The following CCDC8 variants were observed in gnomAD, a reference collection of about 807,000 sequenced individuals.
CCDC8 encodes coiled-coil domain-containing protein 8.
Under a neutral mutation model 5.2 loss-of-function variants are expected in CCDC8, and 6 were observed. The ratio of observed to expected loss-of-function variants is 1.16; its 90% CI spans 0.63 to 2.28. The LOEUF is 2.28. Among genes scored for constraint, CCDC8 ranks in the 30% most tolerant of loss-of-function variants. The pLI, the probability that CCDC8 is intolerant of heterozygous loss-of-function variation, is 0.00. For synonymous variants in CCDC8, 310 were observed against 286.5 expected (o/e 1.08, Z -0.83); for missense variants, 724 against 712.2 (o/e 1.02, Z -0.19).
At position 46,412,300 on chromosome 19, in the gene CCDC8, G is replaced by C. The variant is rs574968989; in HGVS notation, c.511C>G (p.Arg171Gly). Reference sequence around the variant, plus strand: ...ATGGGCACTGGCAGGTTGACGCGGCGGCGGGCAGGCGGCGCGCTGGGCTGC... The same window carrying C: ...ATGGGCACTGGCAGGTTGACGCGGCCGCGGGCAGGCGGCGCGCTGGGCTGC... ...EKQPSAPPAR[R>G]RVNLPVPMFE... Residue 171 changes from arginine to glycine, a missense_variant, in exon 1 of 1, where the codon CGC becomes GGC. Physicochemically the swap from Arg to Gly is moderately radical, Grantham distance 125. Transcript: ENST00000307522. This position sits in a 1 kb window ranked among gnomAD's most constrained non-coding sequence, Gnocchi z 4.7. 3.1e-6 allele frequency: 5 copies of C among 1,608,902 alleles called. No individual in the cohort carries two copies. The African/African-American group carries it at 5.3e-5, about 17-fold the overall frequency.
rs1568589795 is a variant in CCDC8 at position 46,412,340 on chromosome 19, G to A, written c.471C>T (p.Leu157=). ...EDDEELVEAF[L]RRQEKQPSAP... Reference sequence around the variant, plus strand: ...CGCTGGGCTGCTTCTCCTGTCGCCGGAGGAAGGCCTCGACCAGTTCCTCAT... The same window carrying A: ...CGCTGGGCTGCTTCTCCTGTCGCCGAAGGAAGGCCTCGACCAGTTCCTCAT... The change falls in exon 1 of 1, where the codon CTC becomes CTT. Residue 157 remains leucine, a synonymous_variant. Coordinates refer to ENST00000307522, the MANE Select transcript of CCDC8 (RefSeq NM_032040.5). The surrounding 1 kb of genome is among the most constrained non-coding windows in gnomAD (Gnocchi z 4.7). The A allele has an allele frequency of 6.2e-7, 1 of 1,613,208 alleles. No individual in the cohort carries two copies.
At position 46,411,917 on chromosome 19, in the gene CCDC8, C is replaced by T. The variant is rs1289287672; in HGVS notation, c.894G>A (p.Glu298=). Residue 298 remains glutamate, a synonymous_variant, in exon 1 of 1, where the codon GAG becomes GAA. Transcript: ENST00000307522. ...CCTCTTCCCTTTGACTATCTGCAGC[C>T]TCTCCCCCCTGATCAGCCTCGATGT... The part of the protein sequence containing the change: ...GADIEADQGG[E]AADSQREEAI... The T allele has an allele frequency of 1.9e-6, 3 of 1,612,532 alleles. No homozygotes were observed. Among genetic ancestry groups the T allele is most frequent in the Admixed American group, 1.7e-5 (1 of 59,914 alleles).
rs756385010 is a variant in CCDC8 at position 46,411,879 on chromosome 19, T to G, written c.932A>C (p.Gln311Pro). The change falls in exon 1 of 1, where the codon CAG (glutamine) becomes CCG (proline). Residue 311 changes from glutamine to proline, a missense_variant. Transcript: ENST00000307522. ...CTGATTACCTGCAGCCCCTTCCCGC[T>G]GGTCAGCTATGGCCTCTTCCCTTTG... ...DSQREEAIADQREGAAGNQRA... is the reference protein window; with the variant it reads ...DSQREEAIADPREGAAGNQRA... The G allele has an allele frequency of 6.2e-7, 1 of 1,614,078 alleles. No homozygotes were observed.
chr19:46,412,298 G>T lies in CCDC8; in HGVS notation c.513C>A (p.Arg171=). ...EKQPSAPPAR[R]RVNLPVPMFE... ...ACATGGGCACTGGCAGGTTGACGCG[G>T]CGGCGGGCAGGCGGCGCGCTGGGCT... The change falls in exon 1 of 1, where the codon CGC becomes CGA. Residue 171 remains arginine (R), a synonymous_variant. Coordinates refer to ENST00000307522, the MANE Select transcript of CCDC8 (RefSeq NM_032040.5). This position sits in a 1 kb window ranked among gnomAD's most constrained non-coding sequence, Gnocchi z 4.7. 1 of 1,608,748 alleles carries T rather than the reference G, an allele frequency of 6.2e-7. No individual in the cohort carries two copies.
chr19:46,412,964 G>A lies in CCDC8; in HGVS notation c.-154C>T. The A allele has an allele frequency of 3.0e-6, 3 of 1,016,620 alleles. No individual in the cohort carries two copies. In the South Asian group the frequency reaches 4.4e-5, roughly 15 times the overall value. The allele number at this position is 1,016,620 out of a possible 1,614,324, so 63.0% of individuals were successfully genotyped here. On this transcript the variant is annotated 5_prime_UTR_variant, in exon 1 of 1. Coordinates refer to ENST00000307522, the MANE Select transcript of CCDC8 (RefSeq NM_032040.5). The surrounding 1 kb of genome is among the most constrained non-coding windows in gnomAD (Gnocchi z 4.7). The stretch of plus-strand genomic sequence containing the variant: ...TGAGGCAGTCGGGGGACGGCAGGAA[G>A]CCCCAGGGGAACCAGCCCCCCACGT...
In CCDC8 at chr19:46,411,576, A is replaced by T. The variant is rs116866423; in HGVS notation, c.1235T>A (p.Val412Glu). ...TGGGGCCCTTTCCCTCTGGTCATGT[A>T]CGGCCTCTTCCCTTTGATTATCTGT... ...EVTDNQREEAVHDQRERAPAV... is the reference protein window; with the variant it reads ...EVTDNQREEAEHDQRERAPAV... The change falls in exon 1 of 1, where the codon GTA (valine) becomes GAA (glutamate). Residue 412 changes from valine (V) to glutamate (E), a missense_variant. Val to Glu is a moderately radical substitution (Grantham distance 121). Coordinates refer to ENST00000307522, the MANE Select transcript of CCDC8 (RefSeq NM_032040.5). 1,786 of 1,611,130 alleles carry T rather than the reference A, an allele frequency of 1.1e-3. 24 individuals are homozygous for T. The East Asian group carries it at 0.028, about 25-fold the overall frequency.
Position 46,411,985 on chromosome 19 carries a change from G to C in CCDC8, c.826C>G (p.Arg276Gly), listed in dbSNP as rs200156458. Residue 276 changes from arginine (R) to glycine (G), a missense_variant, in exon 1 of 1, where the codon CGC becomes GGC. By Grantham distance (125) the Arg-to-Gly change is moderately radical (BLOSUM62 -2). Transcript: ENST00000307522. ...RPKINWASFR[R>G]RRKEQTAPTG... is the part of the protein sequence containing the mutation. Reference sequence around the variant, plus strand: ...GGTGCTGTCTGCTCCTTCCTGCGGCGCCGAAAGGAGGCCCAGTTGATCTTG... The same window carrying C: ...GGTGCTGTCTGCTCCTTCCTGCGGCCCCGAAAGGAGGCCCAGTTGATCTTG... The C allele has an allele frequency of 1.5e-5, 24 of 1,607,214 alleles. No homozygotes were observed. The highest frequency in any genetic ancestry group is 1.7e-5 in the Non-Finnish European group (20 of 1,179,860).
rs944988595 is a variant in CCDC8, at chr19:46,411,381, G to A, written c.1430C>T (p.Thr477Ile). 5 of 1,614,224 alleles carry A rather than the reference G, an allele frequency of 3.1e-6. No individual in the cohort carries two copies. Among genetic ancestry groups the A allele is most frequent in the African/African-American group, 1.3e-5 (1 of 75,072 alleles). The change falls in exon 1 of 1, where the codon ACA becomes ATA. Residue 477 changes from threonine to isoleucine, a missense_variant. Coordinates refer to ENST00000307522, the MANE Select transcript of CCDC8 (RefSeq NM_032040.5). ...GCGTCCAGGGGTCTGGAACCTCACT[G>A]TCTTGACCTGTTTCCGGGCCCTGGC... ...PGARARKQVK[T>I]VRFQTPGRFS...
In CCDC8 at chr19:46,412,953, G is replaced by A; in HGVS notation, c.-143C>T. On this transcript the variant is annotated 5_prime_UTR_variant, in exon 1 of 1. Transcript: ENST00000307522. The surrounding 1 kb of genome is among the most constrained non-coding windows in gnomAD (Gnocchi z 4.7). ...GCTCCAAAGAATGAGGCAGTCGGGG[G>A]ACGGCAGGAAGCCCCAGGGGAACCA... is the stretch of plus-strand genomic sequence containing the variant. The A allele has an allele frequency of 1.7e-6, 2 of 1,158,572 alleles. No homozygotes were observed. Among genetic ancestry groups the A allele is most frequent in the South Asian group, 1.4e-5 (1 of 73,662 alleles). The allele number at this position is 1,158,572 out of a possible 1,614,324, so 71.8% of individuals were successfully genotyped here.
chr19:46,411,485 ATG>A lies in CCDC8; in HGVS notation c.1324_1325del (p.His442Ter). ...ARAGQRAEAA[H>X]NQRAGAPGIQ... ...TACCTGGGGCCCCTGCCCTCTGATT[ATG>A]TGCAGCCTCTGCCCTCTGGCCAGCC... is the stretch of plus-strand genomic sequence containing the variant. On this transcript the variant is annotated frameshift_variant, in exon 1 of 1. Coordinates refer to ENST00000307522, the MANE Select transcript of CCDC8 (RefSeq NM_032040.5). LOFTEE classifies it low-confidence loss of function (END_TRUNC). 1 of 1,614,174 alleles carries A rather than the reference ATG, an allele frequency of 6.2e-7. No individual in the cohort carries two copies. Among genetic ancestry groups the A allele is most frequent in the Non-Finnish European group, 8.5e-7 (1 of 1,180,016 alleles).
At position 46,411,795 on chromosome 19, in the gene CCDC8, G is replaced by A; in HGVS notation, c.1016C>T (p.Ala339Val). The A allele has an allele frequency of 6.2e-7, 1 of 1,612,638 alleles. No individual in the cohort carries two copies. The highest frequency in any genetic ancestry group is 8.5e-7 in the Non-Finnish European group (1 of 1,179,242). The change falls in exon 1 of 1, where the codon GCT (alanine) becomes GTT (valine). Residue 339 changes from alanine (A) to valine (V), a missense_variant. Coordinates refer to ENST00000307522, the MANE Select transcript of CCDC8 (RefSeq NM_032040.5). ...AEAADNQREE[A>V]ADNQRAGAPA... ...GGCCCCTGCCCTCTGATTATCTGCA[G>A]CCTCTTCCCTCTGATTATCTGCAGC...
In CCDC8 at chr19:46,412,982, C is replaced by T. The variant is rs117299352; in HGVS notation, c.-172G>A. ...GCAGGAAGCCCCAGGGGAACCAGCC[C>T]CCCACGTGGCTTTTCTCGAGAGTCT... On this transcript the variant is annotated 5_prime_UTR_variant, in exon 1 of 1. Transcript: ENST00000307522. This position sits in a 1 kb window ranked among gnomAD's most constrained non-coding sequence, Gnocchi z 4.7. The T allele has an allele frequency of 0.028, 23,544 of 826,496 alleles. 479 individuals are homozygous for T. Among genetic ancestry groups the T allele is most frequent in the Non-Finnish European group, 0.032 (16,218 of 509,122 alleles). The allele number at this position is 826,496 out of a possible 1,614,324, so 51.2% of individuals were successfully genotyped here. A position where few individuals can be genotyped will look rare whatever the true frequency, so the allele number is the denominator to read the frequency against.
rs1282091475 is a variant in CCDC8 at position 46,412,818 on chromosome 19, G to A, written c.-8C>T. 4 of 1,613,896 alleles carry A rather than the reference G, an allele frequency of 2.5e-6. No individual in the cohort carries two copies. Among genetic ancestry groups the A allele is most frequent in the Non-Finnish European group, 3.4e-6 (4 of 1,180,026 alleles). On this transcript the variant is annotated 5_prime_UTR_variant, in exon 1 of 1. The change creates a new upstream start codon in the 5' untranslated region. Coordinates refer to ENST00000307522, the MANE Select transcript of CCDC8 (RefSeq NM_032040.5). The surrounding 1 kb of genome is among the most constrained non-coding windows in gnomAD (Gnocchi z 4.7). ...CTCCCCGATCTGCAGCATCCCCACC[G>A]TGGAGTCCTCCTCCTTGCGGAACAC...
Position 46,411,696 on chromosome 19 carries a change from G to A in CCDC8, c.1115C>T (p.Pro372Leu). Residue 372 changes from proline (P) to leucine (L), a missense_variant, in exon 1 of 1, where the codon CCA becomes CTA. Physicochemically the swap from Pro to Leu is moderately conservative, Grantham distance 98. Transcript: ENST00000307522. ...EAADNQRAEA[P>L]ADQRSQGTDN... ...TGTGCCCTGTGACCTCTGGTCAGCT[G>A]GGGCCTCTGCCCTCTGATTATCTGC... The A allele has an allele frequency of 6.3e-7, 1 of 1,586,832 alleles. No homozygotes were observed. Among genetic ancestry groups the A allele is most frequent in the Non-Finnish European group, 8.6e-7 (1 of 1,163,244 alleles).
In CCDC8 at chr19:46,412,604, G is replaced by A. The variant is rs758901446; in HGVS notation, c.207C>T (p.Pro69=). 9.4e-6 allele frequency: 15 copies of A among 1,601,654 alleles called. No homozygotes were observed. The East Asian group carries it at 2.5e-4, about 26-fold the overall frequency. Residue 69 remains proline (P), a synonymous_variant, in exon 1 of 1, where the codon CCC becomes CCT. Transcript: ENST00000307522. The surrounding 1 kb of genome is among the most constrained non-coding windows in gnomAD (Gnocchi z 4.7). The part of the protein sequence containing the change: ...MEKSTPHPPQ[P]PKKPKEPRVR... Reference sequence around the variant, plus strand: ...CTCGGGGCTCCTTGGGCTTTTTGGGGGGCTGGGGCGGGTGCGGGGTGCTCT... The same window carrying A: ...CTCGGGGCTCCTTGGGCTTTTTGGGAGGCTGGGGCGGGTGCGGGGTGCTCT...
rs547757244 is a variant in CCDC8 at position 46,411,049 on chromosome 19, T to C, written c.*145A>G. On this transcript the variant is annotated 3_prime_UTR_variant, in exon 1 of 1. Coordinates refer to ENST00000307522, the MANE Select transcript of CCDC8 (RefSeq NM_032040.5). ...AAAAATTTAAAAAAAAATCAAAGCATGAACAAAACTTTAACAAGAGAATAA... is the reference window on the plus strand; with the variant it reads ...AAAAATTTAAAAAAAAATCAAAGCACGAACAAAACTTTAACAAGAGAATAA... 7.7e-6 allele frequency: 8 copies of C among 1,034,246 alleles called. No homozygotes were observed. The East Asian group carries it at 1.2e-4, about 16-fold the overall frequency. 64.1% of individuals were successfully genotyped at this position (1,034,246 alleles called of 1,614,324 possible).
rs927934901 is a variant in CCDC8 at position 46,413,193 on chromosome 19, T to A, written c.-383A>T. 6.1e-5 allele frequency: 15 copies of A among 246,388 alleles called. No individual in the cohort carries two copies. The highest frequency in any genetic ancestry group is 3.4e-4 in the African/African-American group (15 of 43,916). 15.3% of individuals were successfully genotyped at this position (246,388 alleles called of 1,614,324 possible). ...TCTTCGCCTGCAACAAGTACAGTCTTGACCAAGTCCGGCTCCCCCACCAAG... is the reference window on the plus strand; with the variant it reads ...TCTTCGCCTGCAACAAGTACAGTCTAGACCAAGTCCGGCTCCCCCACCAAG... On this transcript the variant is annotated 5_prime_UTR_variant, in exon 1 of 1. Coordinates refer to ENST00000307522, the MANE Select transcript of CCDC8 (RefSeq NM_032040.5).
rs201795799 is a variant in CCDC8, at chr19:46,412,085, G to A, written c.726C>T (p.Gly242=). 26 of 1,599,478 alleles carry A rather than the reference G, an allele frequency of 1.6e-5. No homozygotes were observed. The highest frequency in any genetic ancestry group is 2.2e-5 in the Non-Finnish European group (26 of 1,179,968). Residue 242 remains glycine (G), a synonymous_variant, in exon 1 of 1, where the codon GGC becomes GGT. Coordinates refer to ENST00000307522, the MANE Select transcript of CCDC8 (RefSeq NM_032040.5). This position sits in a 1 kb window ranked among gnomAD's most constrained non-coding sequence, Gnocchi z 4.7. ...TTCCCAAGCGATCCCCCGGGCTGGT[G>A]CCCTCTGGCGCCGATGATACCCCTG... ...ESAGVSSAPE[G]TSPGDRLGNA...
rs1973233532 is a variant in CCDC8, at chr19:46,411,849, G to C, written c.962C>G (p.Ala321Gly). 6.2e-7 allele frequency: 1 copy of C among 1,613,438 alleles called. No homozygotes were observed. ...QREGAAGNQR[A>G]GAPADQGAEA... is the part of the protein sequence containing the mutation. ...TGCCCCCTGGTCAGCTGGGGCCCCT[G>C]CCCTCTGATTACCTGCAGCCCCTTC... is the stretch of plus-strand genomic sequence containing the variant. The change falls in exon 1 of 1, where the codon GCA becomes GGA. Residue 321 changes from alanine (A) to glycine (G), a missense_variant. Ala to Gly is a moderately conservative substitution (Grantham distance 60, BLOSUM62 0). Transcript: ENST00000307522.
Sources: allele counts gnomAD v4.1 joint callset, GRCh38; gene constraint gnomAD v4.1.1; non-coding constraint Gnocchi (gnomAD v3.1); transcripts MANE v1.5; gene names NCBI Gene and HGNC (gene_info 2026-07-23, HGNC 2026-07-21).